SLC26A8: variants seen among roughly 807,000 people sequenced by gnomAD.
SLC26A8 encodes the protein testis anion transporter 1.
In SLC26A8, 70 loss-of-function variants were observed where a neutral mutation model predicts 105.0. The observed-to-expected ratio is 0.67, with a 90% CI of 0.55 to 0.81. SLC26A8 has a LOEUF of 0.81. Ranked by LOEUF, SLC26A8 falls within the 40% of genes least tolerant of loss-of-function variation. The probability of loss-of-function intolerance (pLI) is 0.00; values close to 1 mark genes in which losing one functional copy is unlikely to be tolerated. For missense variants in SLC26A8, 998 were observed against 1,181.8 expected, an observed-to-expected ratio of 0.84 and a Z score of 2.28; for synonymous variants, 415 against 438.3, an observed-to-expected ratio of 0.95 and a Z score of 0.66.
chr6:36,000,671 A>T (rs9470193), intron 3 of SLC26A8, among the ~76,000 whole-genome samples: 58,070 of 152,138 alleles, frequency 0.38, 12,045 homozygotes, highest in South Asian at 0.56. Context: ...TAACAGGCAT[A>T]GTGTCATCCT....
Position 36,009,353 on chromosome 6 carries a change from A to C in SLC26A8, c.328+2880T>G, listed in dbSNP as rs914979046. On this transcript the variant is annotated intron_variant, in intron 3 of 19. Coordinates refer to ENST00000490799, the MANE Select transcript of SLC26A8 (RefSeq NM_052961.4). ...GTGACAGAGTGAGACTGCCTCTCAA[A>C]AACAACAACAACAACAACAACAACA... 2.4e-3 allele frequency among the ~76,000 whole-genome samples: 363 copies of C among 149,366 alleles called. 2 individuals carry two copies. Among genetic ancestry groups the C allele is most frequent in the African/African-American group, 8.1e-3 (323 of 39,776 alleles).
intron 12 of SLC26A8, 79 bp downstream of exon 12, chr6:35,962,447 A>T: frequency 8.6e-7 from 1 of 1,156,274 alleles, no homozygotes. Context: ...TCCATGGCAG[A>T]TCTCTTTTGT....
rs866682176 is a variant in SLC26A8 at position 35,944,040 on chromosome 6, G to A, written c.2773C>T (p.Gln925Ter). 4 of 1,614,142 alleles carry A rather than the reference G, an allele frequency of 2.5e-6. No homozygotes were observed. Among genetic ancestry groups the A allele is most frequent in the Non-Finnish European group, 3.4e-6 (4 of 1,180,018 alleles). The change falls in exon 20 of 20, where the codon CAG (glutamine) becomes TAG (stop). Residue 925 changes from glutamine to a stop codon, truncating the protein, a stop_gained. Coordinates refer to ENST00000490799, the MANE Select transcript of SLC26A8 (RefSeq NM_052961.4). LOFTEE classifies it high-confidence loss of function. ...KSRPRAHTFP[Q>*]QRYWPMYHPS... is the part of the protein sequence containing the mutation. The stretch of plus-strand genomic sequence containing the variant: ...TGATACATAGGCCAGTAACGCTGCT[G>A]AGGAAAAGTGTGAGCTCTTGGCCTA...
chr6:36,014,153 TG>T (rs999424847), intron 2 of SLC26A8, among the ~76,000 whole-genome samples: 1 of 152,194 alleles, frequency 6.6e-6, no homozygotes, highest in Non-Finnish European at 1.5e-5. Flanking sequence ...TGAGCCTCTG[TG>T]GAGAAGAGTA....
At chr6:35,993,669 G>C (rs1761257215) in intron 5 of SLC26A8, among the ~76,000 whole-genome samples, 1 of 152,088 alleles carries the variant, frequency 6.6e-6, no homozygotes, top group Non-Finnish European at 1.5e-5. Flanking sequence ...GTTAGATGTT[G>C]GGGACAATAT....
At chr6:35,986,430 A>C (rs1275643537) in intron 7 of SLC26A8, among the ~76,000 whole-genome samples, 2 of 152,210 alleles carry the variant, frequency 1.3e-5, no homozygotes, top group Non-Finnish European at 2.9e-5. Flanking sequence ...TATATTGTAC[A>C]AAAGATCTCT....
intron 5 of SLC26A8, among the ~76,000 whole-genome samples, chr6:35,993,594 T>C (rs1186333102): frequency 6.6e-6 from 1 of 152,184 alleles, no homozygotes; most frequent in African/African-American, 2.4e-5. Context: ...AATAAAATTT[T>C]ATACACACAG....
intron 3 of SLC26A8, among the ~76,000 whole-genome samples, chr6:36,011,703 G>A (rs907692667): frequency 3.3e-5 from 5 of 152,088 alleles, no homozygotes; most frequent in African/African-American, 1.2e-4. Flanking sequence ...GACCTCCTGG[G>A]CTCAGGTGAT....
intron 5 of SLC26A8, among the ~76,000 whole-genome samples, chr6:35,993,156 ATT>A (rs70975122): frequency 0.029 from 2,518 of 87,244 alleles, 116 homozygotes; most frequent in African/African-American, 0.096. Flanking sequence ...CACACTGGGC[ATT>A]TTTTTTTTTT....
At chr6:35,949,817 GT>G (rs71540133) in intron 19 of SLC26A8, among the ~76,000 whole-genome samples, 168 of 143,360 alleles carry the variant, frequency 1.2e-3, no homozygotes, top group Middle Eastern at 7.0e-3. Context: ...GTGTTTTTTT[GT>G]TTTTTTTTTT....
Position 35,982,155 on chromosome 6 carries a change from TTTC to T in SLC26A8, c.988_990del (p.Glu330del). 6.2e-7 allele frequency: 1 copy of T among 1,614,164 alleles called. No homozygotes were observed. ...ATCATGTCAATAAGCGTCTGGCTGGTTTCTGTGGCCATGCTTATCTTGTTTGCA... is the reference window on the plus strand; with the variant it reads ...ATCATGTCAATAAGCGTCTGGCTGGTTGTGGCCATGCTTATCTTGTTTGCA... On this transcript the variant is annotated inframe_deletion, in exon 8 of 20. Transcript: ENST00000490799.
intron 16 of SLC26A8, among the ~76,000 whole-genome samples, chr6:35,958,905 A>T (rs894874554): frequency 1.3e-5 from 2 of 152,134 alleles, no homozygotes; most frequent in African/African-American, 4.8e-5. Context: ...TGTAATTCTC[A>T]TCAGTAAAAA....
intron 8 of SLC26A8, among the ~76,000 whole-genome samples, chr6:35,979,722 A>G (rs1224965974): frequency 1.3e-5 from 2 of 152,196 alleles, no homozygotes; most frequent in African/African-American, 2.4e-5. Flanking sequence ...AACATAAACT[A>G]CTGTTTTTCC....
chr6:36,005,909 A>G (rs1003321012), intron 3 of SLC26A8, among the ~76,000 whole-genome samples: 8 of 152,202 alleles, frequency 5.3e-5, no homozygotes, highest in African/African-American at 1.9e-4. Flanking sequence ...ATTCTACTGT[A>G]AGGAAGATCC....
At chr6:35,994,102 T>C (rs35113550) in intron 5 of SLC26A8, among the ~76,000 whole-genome samples, 228 of 137,914 alleles carry the variant, frequency 1.7e-3, no homozygotes, top group Middle Eastern at 0.013. Context: ...TGTGTCTCCC[T>C]TTTTTTTTCT....
Position 36,000,113 on chromosome 6 carries a change from A to G in SLC26A8, c.329-5T>C. 2 of 1,591,634 alleles carry G rather than the reference A, an allele frequency of 1.3e-6. No homozygotes were observed. Among genetic ancestry groups the G allele is most frequent in the Non-Finnish European group, 1.7e-6 (2 of 1,162,078 alleles). ...CCAGCAAACTAAGTGTCAGGCCTGA[A>G]AAACAAGATAATTTAAGAAAAAGCA... On this transcript the variant is annotated splice_region_variant and splice_polypyrimidine_tract_variant and intron_variant, in intron 3 of 19. Transcript: ENST00000490799.
chr6:35,990,325 A>T, intron 7 of SLC26A8: 1 of 295,534 alleles, frequency 3.4e-6, no homozygotes, highest in Admixed American at 4.3e-5. Context: ...AGGTTTGGGT[A>T]TGGGTTCTTA....
At chr6:35,951,084 GC>G in intron 19 of SLC26A8, 78 bp downstream of exon 19, 1 of 1,285,994 alleles carries the variant, frequency 7.8e-7, no homozygotes, top group Non-Finnish European at 1.1e-6. Context: ...CTGACTCCCA[GC>G]CCCCAACCAC....
intron 19 of SLC26A8, among the ~76,000 whole-genome samples, chr6:35,949,000 T>C (rs1320733017): frequency 1.3e-5 from 2 of 152,230 alleles, no homozygotes; most frequent in African/African-American, 4.8e-5. Context: ...ACCTTGATCT[T>C]GGACTTCTCG....
Sources: gnomAD v4.1 joint callset for allele counts (sites outside exome capture counted in the v4.1 genomes callset) on GRCh38, gnomAD v4.1.1 for gene constraint, MANE v1.5 for transcripts, NCBI Gene and HGNC (gene_info 2026-07-23, HGNC 2026-07-21) for gene names.